DPYD: variants seen among roughly 807,000 people sequenced by gnomAD.
DPYD encodes the protein dihydropyrimidine dehydrogenase.
In DPYD, 109 loss-of-function variants were observed where a neutral mutation model predicts 116.2. The observed-to-expected ratio is 0.94, with a 90% confidence interval of 0.80 to 1.10. The LOEUF is 1.10. Ranked by LOEUF, DPYD falls within the 50% of genes least tolerant of loss-of-function variation. The pLI, the probability that DPYD is intolerant of heterozygous loss-of-function variation, is 0.00. For synonymous variants in DPYD, 440 were observed against 432.0 expected (o/e 1.02, Z -0.23); for missense variants, 1,302 against 1,254.5 (o/e 1.04, Z -0.57).
rs138959699 is a variant in DPYD, at chr1:97,792,663, T to C, written c.233+35451A>G. 6.6e-3 allele frequency among the ~76,000 whole-genome samples: 1,001 copies of C among 152,350 alleles called. 15 individuals carry two copies. Among genetic ancestry groups the C allele is most frequent in the African/African-American group, 0.023 (942 of 41,584 alleles). ...ATTATCATTATCTCCACTTTACAGA[T>C]GATGAAACTAAGCCTCAATCACATC... On this transcript the variant is annotated intron_variant, in intron 3 of 22. Coordinates refer to ENST00000370192, the MANE Select transcript of DPYD (RefSeq NM_000110.4).
At chr1:97,560,689 AAAGTAAAT>A (rs1186246224) in intron 11 of DPYD, among the ~76,000 whole-genome samples, 1 of 152,184 alleles carries the variant, frequency 6.6e-6, no homozygotes, top group Non-Finnish European at 1.5e-5. Flanking sequence ...TAAAAAATGA[AAAGTAAAT>A]AAGTAAGTGA....
chr1:97,590,994 C>T (rs1055501107), intron 10 of DPYD, among the ~76,000 whole-genome samples: 8 of 152,168 alleles, frequency 5.3e-5, no homozygotes, highest in African/African-American at 1.9e-4. Flanking sequence ...ATACATAATC[C>T]GGTCAGCCAC....
At chr1:97,872,071 A>G (rs2101618531) in intron 2 of DPYD, among the ~76,000 whole-genome samples, 1 of 151,996 alleles carries the variant, frequency 6.6e-6, no homozygotes, top group East Asian at 2.0e-4. Flanking sequence ...GGCAAAACCA[A>G]TAATTGGAGC....
At chr1:97,183,203 T>A (rs547611435) in intron 20 of DPYD, among the ~76,000 whole-genome samples, 3 of 152,222 alleles carry the variant, frequency 2.0e-5, no homozygotes, top group Admixed American at 6.6e-5. Context: ...TTGCTGTGAA[T>A]CTAAAACTCT....
chr1:97,642,230 GA>G (rs150467511), intron 8 of DPYD, among the ~76,000 whole-genome samples: 17 of 151,004 alleles, frequency 1.1e-4, no homozygotes, highest in African/African-American at 1.9e-4. Flanking sequence ...TTTCTTCATA[GA>G]AAAAAAAATT....
intron 8 of DPYD, among the ~76,000 whole-genome samples, chr1:97,604,318 G>A (rs1320925420): frequency 1.3e-5 from 2 of 152,022 alleles, no homozygotes; most frequent in African/African-American, 4.8e-5. Flanking sequence ...TCTCCTTATA[G>A]AACTGTTATG....
chr1:97,763,798 G>C (rs1185267444), intron 3 of DPYD, among the ~76,000 whole-genome samples: 1 of 151,852 alleles, frequency 6.6e-6, no homozygotes, highest in Non-Finnish European at 1.5e-5. Context: ...AATAAAAAAG[G>C]CATCAAAATT....
rs1203087778 is a variant in DPYD, at chr1:97,820,147, A to G, written c.233+7967T>C. Reference sequence around the variant, plus strand: ...AACCATTATATTTAGCAACAGATGCAATATTAACATAACCCAAATCATAAA... The same window carrying G: ...AACCATTATATTTAGCAACAGATGCGATATTAACATAACCCAAATCATAAA... On this transcript the variant is annotated intron_variant, in intron 3 of 22. Transcript: ENST00000370192. Among the ~76,000 whole-genome samples the G allele has an allele frequency of 3.9e-5, 6 of 152,280 alleles. No homozygotes were observed. The South Asian group carries it at 1.0e-3, about 26-fold the overall frequency.
At chr1:97,505,738 C>A (rs926656812) in intron 13 of DPYD, among the ~76,000 whole-genome samples, 1 of 151,886 alleles carries the variant, frequency 6.6e-6, no homozygotes, top group East Asian at 1.9e-4. Flanking sequence ...CAAAATACAT[C>A]AAATCTTGCC....
intron 12 of DPYD, among the ~76,000 whole-genome samples, chr1:97,516,406 C>T (rs1184086058): frequency 6.6e-6 from 1 of 151,958 alleles, no homozygotes; most frequent in Non-Finnish European, 1.5e-5. Context: ...GTCTTTTCTT[C>T]TCTATAGTTT....
chr1:97,454,009 A>C (rs374990753), intron 13 of DPYD, among the ~76,000 whole-genome samples: 1 of 152,050 alleles, frequency 6.6e-6, no homozygotes, highest in African/African-American at 2.4e-5. Context: ...CAAATTACAG[A>C]TGCCTACTGT....
intron 2 of DPYD, among the ~76,000 whole-genome samples, chr1:97,867,405 T>C (rs768220552): frequency 1.3e-5 from 2 of 151,816 alleles, no homozygotes; most frequent in Non-Finnish European, 2.9e-5. Context: ...AAAACTGCTT[T>C]GAAATGAAGG....
At chr1:97,849,495 C>A (rs1265497332) in intron 2 of DPYD, among the ~76,000 whole-genome samples, 3 of 151,802 alleles carry the variant, frequency 2.0e-5, no homozygotes, top group Non-Finnish European at 4.4e-5. Flanking sequence ...GCCATTTCTA[C>A]ATTCATTTTT....
chr1:97,521,897 C>CA (rs1296780370), intron 12 of DPYD, among the ~76,000 whole-genome samples: 1 of 152,036 alleles, frequency 6.6e-6, no homozygotes, highest in Non-Finnish European at 1.5e-5. Context: ...ACACCTTATA[C>CA]AAAAAATAAC....
At chr1:97,448,830 A>C (rs576054728) in intron 14 of DPYD, among the ~76,000 whole-genome samples, 5 of 152,276 alleles carry the variant, frequency 3.3e-5, no homozygotes, top group African/African-American at 1.2e-4. Flanking sequence ...CTTCACATCC[A>C]AACGACTATC....
intron 19 of DPYD, among the ~76,000 whole-genome samples, chr1:97,229,055 T>C (rs771438231): frequency 1.7e-4 from 25 of 151,350 alleles, no homozygotes; most frequent in Non-Finnish European, 3.2e-4. Flanking sequence ...CACAAAAAAA[T>C]TAGCCGGGCA....
intron 19 of DPYD, among the ~76,000 whole-genome samples, chr1:97,204,831 C>T (rs748985312): frequency 7.2e-5 from 11 of 152,062 alleles, no homozygotes; most frequent in South Asian, 2.1e-4. Flanking sequence ...AGAGCATTAA[C>T]ATTGGATCTA....
intron 12 of DPYD, among the ~76,000 whole-genome samples, chr1:97,517,357 A>C (rs1648306605): frequency 2.0e-5 from 3 of 152,046 alleles, no homozygotes; most frequent in Admixed American, 2.0e-4. Flanking sequence ...AAATATAGGA[A>C]ATTGGAGGTT....
At chr1:97,308,953 T>A (rs1667322596) in intron 16 of DPYD, among the ~76,000 whole-genome samples, 1 of 151,858 alleles carries the variant, frequency 6.6e-6, no homozygotes, top group Non-Finnish European at 1.5e-5. Flanking sequence ...GACTGCTCTA[T>A]TTCTGGGCAC....
Sources: gnomAD v4.1 joint callset for allele counts (sites outside exome capture counted in the v4.1 genomes callset) on GRCh38, gnomAD v4.1.1 for gene constraint, MANE v1.5 for transcripts, NCBI Gene and HGNC (gene_info 2026-07-23, HGNC 2026-07-21) for gene names.